Variants in TNKS observed in about 807,000 individuals in gnomAD.
TNKS encodes the protein tankyrase, also known as poly [ADP-ribose] polymerase tankyrase-1.
In TNKS, 72 loss-of-function variants were observed where a neutral mutation model predicts 135.8. That is an observed-to-expected ratio of 0.53 (90% CI 0.44 to 0.64). TNKS has a LOEUF of 0.64. Among genes scored for constraint, TNKS ranks in the 30% least tolerant of loss-of-function variants. The pLI, the probability that TNKS is intolerant of heterozygous loss-of-function variation, is 0.00. For missense variants in TNKS, 1,769 were observed against 1,674.0 expected (o/e 1.06, Z -0.99); for synonymous variants, 849 against 649.3 (o/e 1.31, Z -4.68).
At chr8:9,641,125 G>C (rs1247756435) in intron 3 of TNKS, among the ~76,000 whole-genome samples, 1 of 146,060 alleles carries the variant, frequency 6.8e-6, no homozygotes, top group Non-Finnish European at 1.5e-5. Context: ...AATTTATTCA[G>C]TTACAGGTGT....
intron 3 of TNKS, chr8:9,670,076 G>A (rs958618123): frequency 2.0e-5 from 3 of 152,146 alleles, no homozygotes; most frequent in African/African-American, 7.2e-5. Flanking sequence ...GTGATGTCAT[G>A]ATTGCTTTTG....
intron 12 of TNKS, among the ~76,000 whole-genome samples, chr8:9,720,809 C>T (rs1266175183): frequency 6.6e-6 from 1 of 151,976 alleles, no homozygotes; most frequent in African/African-American, 2.4e-5. Flanking sequence ...ACTTAAAACT[C>T]ATATAAACAG....
intron 3 of TNKS, among the ~76,000 whole-genome samples, chr8:9,639,887 T>C (rs1299993403): frequency 2.0e-5 from 3 of 152,188 alleles, no homozygotes; most frequent in Non-Finnish European, 2.9e-5. Context: ...TTCCAGTAAA[T>C]TGTGTGAAGC....
At chr8:9,659,113 T>G (rs1286352363) in intron 3 of TNKS, among the ~76,000 whole-genome samples, 1 of 152,136 alleles carries the variant, frequency 6.6e-6, no homozygotes, top group Non-Finnish European at 1.5e-5. Context: ...CAAAGAGACA[T>G]AGACTCCCAC....
intron 3 of TNKS, among the ~76,000 whole-genome samples, chr8:9,629,813 G>T (rs1362381836): frequency 6.6e-6 from 1 of 152,164 alleles, no homozygotes; most frequent in Non-Finnish European, 1.5e-5. Context: ...CTCCTGAGTA[G>T]CTGGGACTAC....
Position 9,556,476 on chromosome 8 carries a change from G to C in TNKS, c.537G>C (p.Val179=). 6.2e-7 allele frequency: 1 copy of C among 1,614,174 alleles called. No homozygotes were observed. Among genetic ancestry groups the C allele is most frequent in the Non-Finnish European group, 8.5e-7 (1 of 1,180,038 alleles). Residue 179 remains valine (V), a synonymous_variant, in exon 1 of 27, where the codon GTG becomes GTC. Transcript: ENST00000310430. ...GACCTGGGACAGGGGTCCCAGCAGT[G>C]AGCGGGGCCCTACGGGAACTGCTGG... The part of the protein sequence containing the change: ...AAGPGTGVPA[V]SGALRELLEA...
intron 5 of TNKS, 33 bp from the exon 6 acceptor site, chr8:9,704,630 T>A (rs1322215954): frequency 5.1e-6 from 8 of 1,557,688 alleles, no homozygotes; most frequent in Non-Finnish European, 7.0e-6. Context: ...TTTGTTTGTT[T>A]TTACCTGAAA....
rs1303476032 is a variant in TNKS, at chr8:9,556,328, C to T, written c.389C>T (p.Ser130Leu). The T allele has an allele frequency of 1.9e-6, 3 of 1,614,268 alleles. No individual in the cohort carries two copies. The highest frequency in any genetic ancestry group is 2.5e-6 in the Non-Finnish European group (3 of 1,180,044). The change falls in exon 1 of 27, where the codon TCG becomes TTG. Residue 130 changes from serine to leucine, a missense_variant. Ser to Leu is a moderately radical substitution (Grantham distance 145). Coordinates refer to ENST00000310430, the MANE Select transcript of TNKS (RefSeq NM_003747.3). ...GGCAGTGGCAGTAACAATTCACCGT[C>T]GTCCTCTTCTTCCCCGACTTCTTCC... ...PAGSGSNNSPSSSSSPTSSSS... is the reference protein window; with the variant it reads ...PAGSGSNNSPLSSSSPTSSSS...
chr8:9,623,128 C>G (rs1015674254), intron 3 of TNKS, among the ~76,000 whole-genome samples: 9 of 152,174 alleles, frequency 5.9e-5, no homozygotes, highest in African/African-American at 1.9e-4. Context: ...CCGGGGGTAA[C>G]TGAAACCACA....
chr8:9,735,006 G>C lies in TNKS; in HGVS notation c.2455G>C (p.Val819Leu). The C allele has an allele frequency of 1.9e-6, 3 of 1,614,162 alleles. No individual in the cohort carries two copies. The highest frequency in any genetic ancestry group is 2.5e-6 in the Non-Finnish European group (3 of 1,180,012). The change falls in exon 16 of 27, where the codon GTG becomes CTG. Residue 819 changes from valine (V) to leucine (L), a missense_variant. Val to Leu is a conservative substitution (Grantham distance 32). Around this residue, in one of 5 missense-constraint regions of TNKS, gnomAD observed 722 missense variants for 688.9 expected, o/e 1.05. Coordinates refer to ENST00000310430, the MANE Select transcript of TNKS (RefSeq NM_003747.3). ...DAAKKGCLAR[V>L]QKLCTPENIN... is the part of the protein sequence containing the mutation. Reference sequence around the variant, plus strand: ...TGCCAAGAAGGGCTGCCTGGCAAGAGTGCAGAAGCTCTGTACCCCAGAGAA... The same window carrying C: ...TGCCAAGAAGGGCTGCCTGGCAAGACTGCAGAAGCTCTGTACCCCAGAGAA...
intron 26 of TNKS, among the ~76,000 whole-genome samples, chr8:9,771,093 C>CA (rs1483064487): frequency 6.6e-6 from 1 of 150,482 alleles, no homozygotes; most frequent in Non-Finnish European, 1.5e-5. Context: ...GTAATATAAG[C>CA]ATGTGTGTGT....
At position 9,693,902 on chromosome 8, in the gene TNKS, C is replaced by T. The variant is rs533957761; in HGVS notation, c.1108-10761C>T. Among the ~76,000 whole-genome samples the T allele has an allele frequency of 6.6e-5, 10 of 152,284 alleles. No homozygotes were observed. The South Asian group carries it at 2.1e-3, about 32-fold the overall frequency. ...TGCCTGGCTAAGGTAGGGTGACCAACCGTCTTAGTTTGCTGAGATCAATGG... is the reference window on the plus strand; with the variant it reads ...TGCCTGGCTAAGGTAGGGTGACCAATCGTCTTAGTTTGCTGAGATCAATGG... On this transcript the variant is annotated intron_variant, in intron 5 of 26. Transcript: ENST00000310430.
chr8:9,733,595 A>G (rs902840624), intron 15 of TNKS, 151 bp downstream of exon 15: 2 of 650,296 alleles, frequency 3.1e-6, no homozygotes, highest in African/African-American at 3.7e-5. Context: ...CGTTTATGTG[A>G]TATGACACAT....
chr8:9,765,795 A>G lies in TNKS; in HGVS notation c.3551A>G (p.His1184Arg). Residue 1184 changes from histidine (H) to arginine (R), a missense_variant and splice_region_variant, in exon 24 of 27, where the codon CAT (histidine) becomes CGT (arginine). Coordinates refer to ENST00000310430, the MANE Select transcript of TNKS (RefSeq NM_003747.3). ...HNHHNERMLF[H>R]GSPFINAIIH... ...CATCACAATGAGCGCATGTTGTTTC[A>G]TGGTAAGCAGCGTGGCAGGGACGGT... 1 of 1,613,614 alleles carries G rather than the reference A, an allele frequency of 6.2e-7. No individual in the cohort carries two copies. Among genetic ancestry groups the G allele is most frequent in the Non-Finnish European group, 8.5e-7 (1 of 1,179,634 alleles).
chr8:9,614,113 C>T (rs1799555599), intron 2 of TNKS, among the ~76,000 whole-genome samples: 1 of 151,992 alleles, frequency 6.6e-6, no homozygotes, highest in Admixed American at 6.5e-5. Context: ...TGATAAAGAC[C>T]TTTTATAAGC....
chr8:9,713,177 T>A (rs1259308582), intron 11 of TNKS, among the ~76,000 whole-genome samples: 8 of 152,208 alleles, frequency 5.3e-5, no homozygotes, highest in Non-Finnish European at 1.2e-4. Flanking sequence ...ATGTATTACC[T>A]ATTTTGTAGG....
chr8:9,733,167 C>A (rs73531296), intron 14 of TNKS, 112 bp from the exon 15 acceptor site: 40 of 869,176 alleles, frequency 4.6e-5, no homozygotes, highest in Non-Finnish European at 6.4e-5. Flanking sequence ...TTTCTTTTTG[C>A]GCAGTGTTCA....
At chr8:9,569,702 T>C (rs577713036) in intron 1 of TNKS, among the ~76,000 whole-genome samples, 1 of 152,350 alleles carries the variant, frequency 6.6e-6, no homozygotes, top group South Asian at 2.1e-4. Context: ...AAAGCAATAT[T>C]TAGTTAATTT....
intron 3 of TNKS, among the ~76,000 whole-genome samples, chr8:9,664,757 TA>T (rs1801908148): frequency 1.3e-5 from 2 of 152,352 alleles, no homozygotes; most frequent in South Asian, 4.1e-4. Context: ...AGTTCAATTT[TA>T]TATAATTAAC....
Sources: allele counts gnomAD v4.1 joint callset (sites outside exome capture counted in the v4.1 genomes callset), GRCh38; gene constraint gnomAD v4.1.1; regional missense constraint gnomAD v4.1.1; transcripts MANE v1.5; gene names NCBI Gene and HGNC (gene_info 2026-07-23, HGNC 2026-07-21).